The following AP3B1 variants were observed in gnomAD, a reference collection of about 807,000 sequenced individuals.
The protein encoded by AP3B1 is AP-3 complex subunit beta-1.
A neutral mutation model predicts 132.5 loss-of-function variants in AP3B1; 61 were observed. The observed-to-expected ratio is 0.46, with a 90% CI of 0.37 to 0.57. The LOEUF (loss-of-function observed/expected upper bound fraction) is 0.57. AP3B1 is among the 20% of genes least tolerant of loss of function. The probability of loss-of-function intolerance (pLI) is 0.00; values close to 1 mark genes in which losing one functional copy is unlikely to be tolerated. For missense variants in AP3B1, 1,120 were observed against 1,289.4 expected (o/e 0.87, Z 2.01); for synonymous variants, 388 against 438.3 (o/e 0.89, Z 1.43).
intron 7 of AP3B1, among the ~76,000 whole-genome samples, chr5:78,193,770 A>ATTTATTTTTTTTT (rs1744964811): frequency 1.5e-5 from 1 of 67,218 alleles, no homozygotes; most frequent in Non-Finnish European, 3.2e-5. Flanking sequence ...ATATATATAT[A>ATTTATTTTTTTTT]TTTTTTTTTT....
intron 24 of AP3B1, among the ~76,000 whole-genome samples, chr5:78,032,165 C>T (rs74320132): frequency 6.1e-4 from 93 of 152,200 alleles, no homozygotes; most frequent in African/African-American, 2.2e-3. Flanking sequence ...ATCTATTTAT[C>T]CATAGATACA....
In AP3B1 at chr5:78,141,141, A is replaced by G; in HGVS notation, c.1650+2T>C. 1 of 1,613,168 alleles carries G rather than the reference A, an allele frequency of 6.2e-7. No individual in the cohort carries two copies. The highest frequency in any genetic ancestry group is 8.5e-7 in the Non-Finnish European group (1 of 1,179,266). ...ATAGGTTGACTAACATTTGCCTCTC[A>G]CCTGTTTGGAGTTGGTTAAATACAA... On this transcript the variant is annotated splice_donor_variant, in intron 15 of 26. Transcript: ENST00000255194. LOFTEE classifies it high-confidence loss of function.
chr5:78,229,859 T>C (rs1028691205), intron 3 of AP3B1, among the ~76,000 whole-genome samples: 3 of 152,220 alleles, frequency 2.0e-5, no homozygotes, highest in African/African-American at 7.2e-5. Flanking sequence ...AGTACTATAC[T>C]GGATCATATT....
intron 11 of AP3B1, among the ~76,000 whole-genome samples, chr5:78,172,723 T>C (rs1046463305): frequency 1.3e-5 from 2 of 152,156 alleles, no homozygotes; most frequent in South Asian, 2.1e-4. Context: ...TTTTCGTTAT[T>C]GGGTATTTCG....
intron 7 of AP3B1, among the ~76,000 whole-genome samples, chr5:78,208,019 T>C (rs181049182): frequency 2.7e-4 from 41 of 151,928 alleles, no homozygotes; most frequent in Admixed American, 1.4e-3. Flanking sequence ...TAAGAAAACA[T>C]TGGAGGATAT....
At chr5:78,003,973 C>T (rs1194073002) in intron 26 of AP3B1, among the ~76,000 whole-genome samples, 1 of 152,184 alleles carries the variant, frequency 6.6e-6, no homozygotes, top group Non-Finnish European at 1.5e-5. Context: ...GCATGTTCCA[C>T]ACACTTTTTG....
At chr5:78,207,245 G>A (rs192070453) in intron 7 of AP3B1, among the ~76,000 whole-genome samples, 161 of 131,986 alleles carry the variant, frequency 1.2e-3, no homozygotes, top group African/African-American at 4.2e-3. Flanking sequence ...GTGACAGAAC[G>A]AGACTCAGTG....
At chr5:78,109,063 G>C (rs1176148339) in intron 20 of AP3B1, among the ~76,000 whole-genome samples, 4 of 152,056 alleles carry the variant, frequency 2.6e-5, no homozygotes, top group African/African-American at 9.7e-5. Context: ...AGTATGAAAT[G>C]AGAGTACATC....
At chr5:78,030,127 T>C (rs1747512098) in intron 24 of AP3B1, among the ~76,000 whole-genome samples, 1 of 152,198 alleles carries the variant, frequency 6.6e-6, no homozygotes, top group Non-Finnish European at 1.5e-5. Flanking sequence ...TGTTTTTCTC[T>C]GTCTCTGATT....
chr5:78,051,024 A>G (rs1027643335), intron 22 of AP3B1, among the ~76,000 whole-genome samples: 1 of 152,196 alleles, frequency 6.6e-6, no homozygotes, highest in African/African-American at 2.4e-5. Flanking sequence ...ATGGTTTATG[A>G]AAATAAGCAA....
intron 21 of AP3B1, 150 bp downstream of exon 21, chr5:78,100,803 A>G (rs1751092075): frequency 3.6e-6 from 2 of 549,700 alleles, no homozygotes; most frequent in Non-Finnish European, 3.2e-6. Context: ...AACAAATACC[A>G]CTGATTTCCA....
chr5:78,240,979 TA>T, intron 2 of AP3B1, 43 bp from the exon 3 acceptor site: 1 of 1,355,052 alleles, frequency 7.4e-7, no homozygotes, highest in Non-Finnish European at 1.1e-6. Flanking sequence ...ATTCTATATA[TA>T]TTAAATATTT....
intron 22 of AP3B1, among the ~76,000 whole-genome samples, chr5:78,081,044 A>G (rs1283074484): frequency 6.6e-6 from 1 of 152,176 alleles, no homozygotes; most frequent in Non-Finnish European, 1.5e-5. Context: ...TTTAGGGAAA[A>G]GCCATAGATG....
intron 14 of AP3B1, among the ~76,000 whole-genome samples, chr5:78,143,655 T>C (rs1753251097): frequency 6.6e-6 from 1 of 152,116 alleles, no homozygotes; most frequent in Admixed American, 6.6e-5. Context: ...ATTGACACTA[T>C]GAATTCACAG....
Position 78,039,200 on chromosome 5 carries a change from G to A in AP3B1, c.2652C>T (p.Ala884=), listed in dbSNP as rs375205110. 5 of 1,613,902 alleles carry A rather than the reference G, an allele frequency of 3.1e-6. No homozygotes were observed. Among genetic ancestry groups the A allele is most frequent in the Admixed American group, 1.7e-5 (1 of 60,000 alleles). Residue 884 remains alanine, a synonymous_variant, in exon 23 of 27, where the codon GCC becomes GCT. Coordinates refer to ENST00000255194, the MANE Select transcript of AP3B1 (RefSeq NM_003664.5). ...AAGGCTGTCTTGGAAAGAAATAATG[G>A]GCAGCTAGTCCTTTTCCACTCATTC... ...LHRMSGKGLA[A]HYFFPRQPCI...
chr5:78,045,393 A>C (rs1748282279), intron 22 of AP3B1, among the ~76,000 whole-genome samples: 1 of 151,668 alleles, frequency 6.6e-6, no homozygotes, highest in Non-Finnish European at 1.5e-5. Context: ...AAAAAAAAAA[A>C]AAAAAAACAC....
At position 78,100,654 on chromosome 5, in the gene AP3B1, T is replaced by G. The variant is rs191437715; in HGVS notation, c.2470+299A>C. 4.3e-3 allele frequency among the ~76,000 whole-genome samples: 660 copies of G among 152,336 alleles called. 3 individuals are homozygous for G. Among genetic ancestry groups the G allele is most frequent in the Non-Finnish European group, 7.5e-3 (510 of 68,026 alleles). On this transcript the variant is annotated intron_variant, in intron 21 of 26. Transcript: ENST00000255194. ...AATCCACATTTCACAATGTAGAAGT[T>G]ATAAGGTATGGATGACTATTTAGCA...
chr5:78,283,438 A>G (rs562265459), intron 1 of AP3B1, among the ~76,000 whole-genome samples: 1 of 152,308 alleles, frequency 6.6e-6, no homozygotes, highest in East Asian at 1.9e-4. Flanking sequence ...GGTTTCCCCA[A>G]ACTGAATTCT....
In AP3B1 at chr5:78,261,580, CT is replaced by C. The variant is rs1392559902; in HGVS notation, c.204+5939del. 1.6e-4 allele frequency among the ~76,000 whole-genome samples: 24 copies of C among 152,348 alleles called. No homozygotes were observed. In the South Asian group the frequency reaches 1.7e-3, roughly 11 times the overall value. Reference sequence around the variant, plus strand: ...TTTCGGGTTCAAGCAATTCTCCTTCCTCAGTCTCTCAAGTAGCTGGGATTAC... The same window carrying C: ...TTTCGGGTTCAAGCAATTCTCCTTCCCAGTCTCTCAAGTAGCTGGGATTAC... On this transcript the variant is annotated intron_variant, in intron 2 of 26. Coordinates refer to ENST00000255194, the MANE Select transcript of AP3B1 (RefSeq NM_003664.5).
Sources: allele counts gnomAD v4.1 joint callset (sites outside exome capture counted in the v4.1 genomes callset), GRCh38; gene constraint gnomAD v4.1.1; transcripts MANE v1.5; gene names NCBI Gene and HGNC (gene_info 2026-07-23, HGNC 2026-07-21).